Variants in LFNG observed in about 807,000 individuals in gnomAD.
LFNG encodes the protein LFNG O-fucosylpeptide 3-beta-N-acetylglucosaminyltransferase.
In LFNG, 15 loss-of-function variants were observed where a neutral mutation model predicts 32.7. The ratio of observed to expected loss-of-function variants is 0.46; its 90% CI spans 0.31 to 0.71. The LOEUF (loss-of-function observed/expected upper bound fraction) is 0.71. LFNG is among the 30% of genes least tolerant of loss of function. The probability of loss-of-function intolerance (pLI) is 0.06; values close to 1 mark genes in which losing one functional copy is unlikely to be tolerated. For missense variants in LFNG, 520 were observed against 545.7 expected (o/e 0.95, Z 0.47); for synonymous variants, 274 against 246.8 (o/e 1.11, Z -1.03).
chr7:2,512,766 C>T, intron 1 of LFNG: 1 of 1,456,646 alleles, frequency 6.9e-7, no homozygotes, highest in Non-Finnish European at 9.6e-7. Flanking sequence ...GCTCGTGAAC[C>T]TGGAGCCCCC....
chr7:2,526,513 G>T lies in LFNG; in HGVS notation c.987+104G>T. The T allele has an allele frequency of 1.6e-6, 2 of 1,282,398 alleles. No homozygotes were observed. The allele number at this position is 1,282,398 out of a possible 1,614,324, so 79.4% of individuals were successfully genotyped here. On this transcript the variant is annotated intron_variant, in intron 6 of 7. Coordinates refer to ENST00000222725, the MANE Select transcript of LFNG (RefSeq NM_001040167.2). The surrounding 1 kb of genome is among the most constrained non-coding windows in gnomAD (Gnocchi z 6.9). ...GTGGGGCACTGTTCTAAACAGGGAG[G>T]CCAGGCAGCACTCCACTGTCAGCCA...
upstream of LFNG, among the ~76,000 whole-genome samples, chr7:2,514,488 A>C (rs1237697601): frequency 6.6e-6 from 1 of 152,058 alleles, no homozygotes; most frequent in Non-Finnish European, 1.5e-5. Context: ...CCATTAGACC[A>C]TCTGTTGGTC....
In LFNG at chr7:2,527,111, A is replaced by G; in HGVS notation, c.1074-35A>G. 1 of 1,595,206 alleles carries G rather than the reference A, an allele frequency of 6.3e-7. No individual in the cohort carries two copies. On this transcript the variant is annotated intron_variant, in intron 7 of 7. Coordinates refer to ENST00000222725, the MANE Select transcript of LFNG (RefSeq NM_001040167.2). This position sits in a 1 kb window ranked among gnomAD's most constrained non-coding sequence, Gnocchi z 4.4. ...AATGGGAGCTCAGCACCTGCCTGCC[A>G]CCCACGCAGACCAGCCCCTGCTCTG...
Position 2,527,574 on chromosome 7 carries a change from G to A in LFNG, c.*362G>A. 2.5e-6 allele frequency: 3 copies of A among 1,221,074 alleles called. No homozygotes were observed. The highest frequency in any genetic ancestry group is 1.6e-5 in the South Asian group (1 of 62,342). 75.6% of individuals were successfully genotyped at this position (1,221,074 alleles called of 1,614,324 possible). On this transcript the variant is annotated 3_prime_UTR_variant, in exon 8 of 8. Transcript: ENST00000222725. This position sits in a 1 kb window ranked among gnomAD's most constrained non-coding sequence, Gnocchi z 4.4. Reference sequence around the variant, plus strand: ...CCGGGCTACTTTGCAGGGATGCGATGCGTAGGTGCCTTTCTCTTCCTGCTG... The same window carrying A: ...CCGGGCTACTTTGCAGGGATGCGATACGTAGGTGCCTTTCTCTTCCTGCTG...
chr7:2,518,332 T>C (rs996431332), upstream of LFNG, among the ~76,000 whole-genome samples: 12 of 151,858 alleles, frequency 7.9e-5, no homozygotes, highest in Non-Finnish European at 1.5e-4. Context: ...CTTTCGGAGG[T>C]GGTGACTGCT....
rs201290357 is a variant in LFNG, at chr7:2,526,870, G to A, written c.1022G>A (p.Arg341Gln). 4.7e-5 allele frequency: 76 copies of A among 1,612,470 alleles called. No individual in the cohort carries two copies. The Admixed American group carries it at 5.0e-4, about 11-fold the overall frequency. Reference protein sequence around the residue: ...TLSYGMFENKRNAVHVKGPFS... With the variant: ...TLSYGMFENKQNAVHVKGPFS... The stretch of plus-strand genomic sequence containing the variant: ...AGCTACGGTATGTTTGAAAACAAGC[G>A]GAACGCCGTCCACGTGAAGGGGCCC... The change falls in exon 7 of 8, where the codon CGG (arginine) becomes CAG (glutamine). Residue 341 changes from arginine (R) to glutamine (Q), a missense_variant. Around this residue, in one of 3 missense-constraint regions of LFNG, gnomAD observed 150 missense variants for 159.9 expected, o/e 0.94. Transcript: ENST00000222725. This position sits in a 1 kb window ranked among gnomAD's most constrained non-coding sequence, Gnocchi z 6.9.
chr7:2,513,041 C>T (rs1779528986), upstream of LFNG: 2 of 981,028 alleles, frequency 2.0e-6, no homozygotes, highest in Admixed American at 2.1e-5. Context: ...TCCAGAAGTC[C>T]CCTGCCTCCC....
chr7:2,515,453 A>G (rs1779606639), upstream of LFNG, among the ~76,000 whole-genome samples: 1 of 152,136 alleles, frequency 6.6e-6, no homozygotes, highest in African/African-American at 2.4e-5. Flanking sequence ...GGGGATGGGG[A>G]GGACGTTCTA....
chr7:2,529,044 C>T (rs935203072), downstream of LFNG: 2 of 429,576 alleles, frequency 4.7e-6, no homozygotes, highest in South Asian at 9.4e-5. This position sits in a 1 kb window ranked among gnomAD's most constrained non-coding sequence, Gnocchi z 4.2. Flanking sequence ...CGACCCCGCT[C>T]AGGGGTGGTG....
At chr7:2,518,485 G>A (rs1779685068), upstream of LFNG, 16 of 866,826 alleles carry the variant, frequency 1.8e-5, no homozygotes, top group South Asian at 1.7e-4. Flanking sequence ...TCTGACAGTG[G>A]GGCCAGACAT....
chr7:2,517,961 T>G (rs1779668902), upstream of LFNG: 1 of 1,128,412 alleles, frequency 8.9e-7, no homozygotes, highest in Non-Finnish European at 1.1e-6. Context: ...TAGGAGTGGG[T>G]GGGATGGGGG....
upstream of LFNG, among the ~76,000 whole-genome samples, chr7:2,516,522 A>AC (rs1779632160): frequency 4.0e-5 from 6 of 151,898 alleles, no homozygotes; most frequent in Non-Finnish European, 7.4e-5. Context: ...CCAGCAGGAG[A>AC]ACCCCCGGGC....
rs949941550 is a variant in LFNG at position 2,521,377 on chromosome 7, C to T, written c.432+1084C>T. Among the ~76,000 whole-genome samples the T allele has an allele frequency of 3.3e-5, 5 of 152,172 alleles. No individual in the cohort carries two copies. In the South Asian group the frequency reaches 6.2e-4, roughly 19 times the overall value. On this transcript the variant is annotated intron_variant, in intron 1 of 7. Transcript: ENST00000222725. The stretch of plus-strand genomic sequence containing the variant: ...CGTGGGTTTTGTTTGGCGGCCGGGC[C>T]GTTAGGATTCCCAGCGCCGGGCGGC...
Position 2,526,432 on chromosome 7 carries a change from C to T in LFNG, c.987+23C>T. 6.2e-7 allele frequency: 1 copy of T among 1,602,892 alleles called. No individual in the cohort carries two copies. The highest frequency in any genetic ancestry group is 2.2e-5 in the East Asian group (1 of 44,858). ...CAGGTGCACCATCCTCCGGGCCCCGCCAGGACTCCGAGAGCACAGGAAGGG... is the reference window on the plus strand; with the variant it reads ...CAGGTGCACCATCCTCCGGGCCCCGTCAGGACTCCGAGAGCACAGGAAGGG... On this transcript the variant is annotated intron_variant, in intron 6 of 7. Transcript: ENST00000222725. This position sits in a 1 kb window ranked among gnomAD's most constrained non-coding sequence, Gnocchi z 6.9.
upstream of LFNG, among the ~76,000 whole-genome samples, chr7:2,515,354 A>C (rs1779603544): frequency 6.6e-6 from 1 of 152,220 alleles, no homozygotes; most frequent in Admixed American, 6.5e-5. Flanking sequence ...CCTGACAAGC[A>C]GCAAGAGGCA....
At position 2,526,773 on chromosome 7, in the gene LFNG, A is replaced by G; in HGVS notation, c.988-63A>G. The G allele has an allele frequency of 6.6e-7, 1 of 1,517,300 alleles. No individual in the cohort carries two copies. Among genetic ancestry groups the G allele is most frequent in the South Asian group, 1.1e-5 (1 of 88,208 alleles). The allele number at this position is 1,517,300 out of a possible 1,614,324, so 94.0% of individuals were successfully genotyped here. On this transcript the variant is annotated intron_variant, in intron 6 of 7. Transcript: ENST00000222725. The surrounding 1 kb of genome is among the most constrained non-coding windows in gnomAD (Gnocchi z 6.9). ...TTGCCTCACTCAGGGCTGTGTGGCCAGCCTGGGGCGGGGCCCAGGGATGTC... is the reference window on the plus strand; with the variant it reads ...TTGCCTCACTCAGGGCTGTGTGGCCGGCCTGGGGCGGGGCCCAGGGATGTC...
In LFNG at chr7:2,525,245, G is replaced by C. The variant is rs749050354; in HGVS notation, c.508G>C (p.Ala170Pro). Residue 170 changes from alanine (A) to proline (P), a missense_variant, in exon 3 of 8, where the codon GCC (alanine) becomes CCC (proline). Around this residue, in one of 3 missense-constraint regions of LFNG, gnomAD observed 360 missense variants for 354.7 expected, o/e 1.01. Transcript: ENST00000222725. ...TGNVVITNCSAAHSRQALSCK... is the reference protein window; with the variant it reads ...TGNVVITNCSPAHSRQALSCK... ...CAACGTGGTCATCACAAACTGCTCG[G>C]CCGCCCACAGCCGCCAGGCGCTGTC... is the stretch of plus-strand genomic sequence containing the variant. 1.2e-6 allele frequency: 2 copies of C among 1,612,890 alleles called. No homozygotes were observed. Among genetic ancestry groups the C allele is most frequent in the African/African-American group, 2.7e-5 (2 of 75,050 alleles).
chr7:2,522,342 A>C (rs1267073103), intron 1 of LFNG, among the ~76,000 whole-genome samples: 1 of 152,222 alleles, frequency 6.6e-6, no homozygotes, highest in East Asian at 1.9e-4. Flanking sequence ...TAGCAACTGG[A>C]GTGGTGGCTG....
At chr7:2,514,744 AT>A, upstream of LFNG, among the ~76,000 whole-genome samples, 1 of 151,036 alleles carries the variant, frequency 6.6e-6, no homozygotes. Context: ...CCATCCATCC[AT>A]TCATCCATCC....
Sources: gnomAD v4.1 joint callset for allele counts (sites outside exome capture counted in the v4.1 genomes callset) on GRCh38, gnomAD v4.1.1 for gene constraint, gnomAD v4.1.1 regional missense constraint, Gnocchi (gnomAD v3.1) non-coding constraint, MANE v1.5 for transcripts, NCBI Gene and HGNC (gene_info 2026-07-23, HGNC 2026-07-21) for gene names.